HYDIN: variants seen among roughly 807,000 people sequenced by gnomAD.
HYDIN encodes HYDIN axonemal central pair apparatus protein, also known as axonemal central pair apparatus protein HYDIN.
A neutral mutation model predicts 403.9 loss-of-function variants in HYDIN; 132 were observed. The ratio of observed to expected loss-of-function variants is 0.33; its 90% CI spans 0.28 to 0.38. HYDIN has a LOEUF of 0.38. HYDIN is among the 10% of genes least tolerant of loss of function. The pLI, the probability that HYDIN is intolerant of heterozygous loss-of-function variation, is 1.00. For missense variants in HYDIN, 2,827 were observed against 5,009.5 expected (o/e 0.56, Z 13.15); for synonymous variants, 1,202 against 1,891.7 (o/e 0.64, Z 9.46).
At chr16:70,944,806 G>T (rs1201493679) in intron 41 of HYDIN, among the ~76,000 whole-genome samples, 1 of 152,156 alleles carries the variant, frequency 6.6e-6, no homozygotes, top group Non-Finnish European at 1.5e-5. Flanking sequence ...AGGCTGGAGT[G>T]CAATGGTGCC....
chr16:71,152,116 G>A lies in HYDIN; in HGVS notation c.841+543C>T, dbSNP rs550100548. 5.7e-4 allele frequency among the ~76,000 whole-genome samples: 86 copies of A among 150,400 alleles called. No individual in the cohort carries two copies. In the South Asian group the frequency reaches 0.011, roughly 19 times the overall value. ...ATATACAGACAACCTCAATCCACCA[G>A]TGTGGCTCCTGGGGATGGGCTCCTT... On this transcript the variant is annotated intron_variant, in intron 7 of 85. Coordinates refer to ENST00000393567, the MANE Select transcript of HYDIN (RefSeq NM_001270974.2).
At chr16:70,957,147 C>T (rs8061409) in intron 39 of HYDIN, among the ~76,000 whole-genome samples, 44,320 of 147,868 alleles carry the variant, frequency 0.3, 5,378 homozygotes, top group East Asian at 0.54. Context: ...ACCCACCACC[C>T]TCCCAGCCCC....
intron 18 of HYDIN, among the ~76,000 whole-genome samples, chr16:71,038,211 G>T (rs1470474953): frequency 6.6e-6 from 1 of 152,302 alleles, no homozygotes; most frequent in Non-Finnish European, 1.5e-5. Context: ...CACTGGTGAT[G>T]AGTGTTAAGC....
At chr16:71,165,121 C>T (rs1356984323) in intron 5 of HYDIN, among the ~76,000 whole-genome samples, 2 of 151,144 alleles carry the variant, frequency 1.3e-5, no homozygotes, top group African/African-American at 4.9e-5. Context: ...TCAGAGGGAC[C>T]CAGTAAAAAT....
At chr16:71,128,215 G>A (rs60157880) in intron 9 of HYDIN, among the ~76,000 whole-genome samples, 2 of 152,248 alleles carry the variant, frequency 1.3e-5, no homozygotes, top group East Asian at 1.9e-4. Context: ...TCACATAGCC[G>A]GCCCCAGAAA....
rs554036693 is a variant in HYDIN at position 70,859,764 on chromosome 16, G to A, written c.12129+304C>T. Reference sequence around the variant, plus strand: ...AAGATAACTTTTTATGCTACTCTATGAGTCCTAGGGTCCCCAGGCATTGGT... The same window carrying A: ...AAGATAACTTTTTATGCTACTCTATAAGTCCTAGGGTCCCCAGGCATTGGT... On this transcript the variant is annotated intron_variant, in intron 71 of 85. Coordinates refer to ENST00000393567, the MANE Select transcript of HYDIN (RefSeq NM_001270974.2). Among the ~76,000 whole-genome samples, 462 of 152,132 alleles carry A rather than the reference G, an allele frequency of 3.0e-3. 1 individual carries two copies. The highest frequency in any genetic ancestry group is 4.3e-3 in the Non-Finnish European group (293 of 68,014).
In HYDIN at chr16:70,862,226, C is replaced by T. The variant is rs1210493810; in HGVS notation, c.11599G>A (p.Gly3867Ser). The change falls in exon 69 of 86, where the codon GGC becomes AGC. Residue 3867 changes from glycine to serine, a missense_variant. Coordinates refer to ENST00000393567, the MANE Select transcript of HYDIN (RefSeq NM_001270974.2). ...AGGGTGCTGCCTGTATGCATCGTGCCCTGACTAAGCTGATCTTTTTGAGCT... is the reference window on the plus strand; with the variant it reads ...AGGGTGCTGCCTGTATGCATCGTGCTCTGACTAAGCTGATCTTTTTGAGCT... ...GSAQKDQLSQ[G>S]TMHTGSTLDS... 6.2e-7 allele frequency: 1 copy of T among 1,612,996 alleles called. No individual in the cohort carries two copies. Among genetic ancestry groups the T allele is most frequent in the Non-Finnish European group, 8.5e-7 (1 of 1,179,920 alleles).
chr16:71,027,199 G>A lies in HYDIN; in HGVS notation c.3042+403C>T, dbSNP rs1424854325. On this transcript the variant is annotated intron_variant, in intron 20 of 85. Coordinates refer to ENST00000393567, the MANE Select transcript of HYDIN (RefSeq NM_001270974.2). ...AGTCAGGCTGGAAAGAAAGGAACAG[G>A]GATGTCCCAATACCTGAATAGGAGA... 3 of 1,094,416 alleles carry A rather than the reference G, an allele frequency of 2.7e-6. No individual in the cohort carries two copies. In the East Asian group the frequency reaches 2.7e-4, roughly 98 times the overall value. 67.8% of individuals were successfully genotyped at this position (1,094,416 alleles called of 1,614,324 possible). A position where few individuals can be genotyped will look rare whatever the true frequency, so the allele number is the denominator to read the frequency against.
At chr16:71,201,875 T>G (rs2088033798) in intron 1 of HYDIN, among the ~76,000 whole-genome samples, 1 of 152,354 alleles carries the variant, frequency 6.6e-6, no homozygotes, top group Non-Finnish European at 1.5e-5. Context: ...CAAAGTGAAT[T>G]CCTTATAAAT....
At chr16:70,857,908 T>G (rs2039129637) in intron 71 of HYDIN, 38 bp from the exon 72 acceptor site, 1 of 1,585,724 alleles carries the variant, frequency 6.3e-7, no homozygotes, top group African/African-American at 1.4e-5. Context: ...TAAAAGACAC[T>G]TCTGTATGCT....
At chr16:70,970,367 A>G (rs1340915912) in intron 36 of HYDIN, among the ~76,000 whole-genome samples, 153 bp downstream of exon 36, 3 of 131,948 alleles carry the variant, frequency 2.3e-5, no homozygotes, top group Non-Finnish European at 4.8e-5. Context: ...TAGCTTTTCA[A>G]TTAGTTGCTT....
intron 40 of HYDIN, among the ~76,000 whole-genome samples, chr16:70,955,160 C>T (rs2078193709): frequency 6.6e-6 from 1 of 152,148 alleles, no homozygotes. Context: ...CTGGTCCCCA[C>T]AGTGGCAAGA....
Position 71,141,056 on chromosome 16 carries a change from T to C in HYDIN, c.842-3704A>G, listed in dbSNP as rs1218773354. ...ACTCAAAACGCATTTTAAAAACATC[T>C]ATAAAATAGAAATTGATAGAATTAA... On this transcript the variant is annotated intron_variant, in intron 7 of 85. Transcript: ENST00000393567. 5.9e-5 allele frequency among the ~76,000 whole-genome samples: 9 copies of C among 151,836 alleles called. No individual in the cohort carries two copies. In the East Asian group the frequency reaches 1.7e-3, roughly 29 times the overall value.
At chr16:71,036,027 T>G (rs1444543924) in intron 18 of HYDIN, among the ~76,000 whole-genome samples, 1 of 151,540 alleles carries the variant, frequency 6.6e-6, no homozygotes, top group African/African-American at 2.4e-5. Context: ...GTAAAGAGAG[T>G]TGAGTGTGCC....
At chr16:71,047,824 C>G (rs1314362993) in intron 18 of HYDIN, among the ~76,000 whole-genome samples, 2 of 151,656 alleles carry the variant, frequency 1.3e-5, no homozygotes, top group Non-Finnish European at 2.9e-5. Context: ...TCCAGCTCCT[C>G]AGACATTTAT....
In HYDIN at chr16:70,923,356, T is replaced by C. The variant is rs374624814; in HGVS notation, c.7159-2139A>G. On this transcript the variant is annotated intron_variant, in intron 45 of 85. Transcript: ENST00000393567. Reference sequence around the variant, plus strand: ...GGTGGTGGGCACCTGTAATCTCAGCTACTTGGGAGGGTGAGGCAGGAGAAT... The same window carrying C: ...GGTGGTGGGCACCTGTAATCTCAGCCACTTGGGAGGGTGAGGCAGGAGAAT... Among the ~76,000 whole-genome samples, 171 of 137,734 alleles carry C rather than the reference T, an allele frequency of 1.2e-3. 1 individual carries two copies. In the Middle Eastern group the frequency reaches 0.015, roughly 12 times the overall value. 90.4% of individuals were successfully genotyped at this position (137,734 alleles called of 152,430 possible).
Position 70,955,664 on chromosome 16 carries a change from C to T in HYDIN, c.6143-116G>A, listed in dbSNP as rs748706612. ...AGTGATCTCTCTGAGTGCTCTGCCTCCTTCCCATGTGGCTGGAGGTGTTAG... is the reference window on the plus strand; with the variant it reads ...AGTGATCTCTCTGAGTGCTCTGCCTTCTTCCCATGTGGCTGGAGGTGTTAG... On this transcript the variant is annotated intron_variant, in intron 39 of 85. Coordinates refer to ENST00000393567, the MANE Select transcript of HYDIN (RefSeq NM_001270974.2). The T allele has an allele frequency of 7.1e-6, 4 of 566,518 alleles. No individual in the cohort carries two copies. The East Asian group carries it at 1.2e-4, about 17-fold the overall frequency. The allele number at this position is 566,518 out of a possible 1,614,324, so 35.1% of individuals were successfully genotyped here. A position where few individuals can be genotyped will look rare whatever the true frequency, so the allele number is the denominator to read the frequency against.
At chr16:70,929,118 T>C (rs2077238973) in intron 45 of HYDIN, among the ~76,000 whole-genome samples, 2 of 149,566 alleles carry the variant, frequency 1.3e-5, no homozygotes, top group Non-Finnish European at 3.0e-5. Context: ...GGTGAAACCT[T>C]GTCTCTACTA....
At chr16:71,198,240 AATTT>A (rs1376086871) in intron 1 of HYDIN, among the ~76,000 whole-genome samples, 2 of 152,294 alleles carry the variant, frequency 1.3e-5, no homozygotes, top group African/African-American at 4.8e-5. Flanking sequence ...AATTTACTGC[AATTT>A]ATTTATCCAT....
Sources: gnomAD v4.1 joint callset for allele counts (sites outside exome capture counted in the v4.1 genomes callset) on GRCh38, gnomAD v4.1.1 for gene constraint, MANE v1.5 for transcripts, NCBI Gene and HGNC (gene_info 2026-07-23, HGNC 2026-07-21) for gene names.